The following RHCE variants were observed in gnomAD, a reference collection of about 807,000 sequenced individuals.
RHCE encodes blood group Rh(CE) polypeptide.
In RHCE, 22 loss-of-function variants were observed where a neutral mutation model predicts 43.8. The ratio of observed to expected loss-of-function variants is 0.50; its 90% CI spans 0.36 to 0.72. The LOEUF is 0.72. Ranked by LOEUF, RHCE falls within the 30% of genes least tolerant of loss-of-function variation. RHCE has a pLI of 0.00. For synonymous variants in RHCE, 156 were observed against 210.7 expected, an observed-to-expected ratio of 0.74 and a Z score of 2.25; for missense variants, 385 against 525.4, an observed-to-expected ratio of 0.73 and a Z score of 2.61.
chr1:25,390,666 T>C (rs896705338), intron 5 of RHCE, 83 bp downstream of exon 5: 21 of 1,505,276 alleles, frequency 1.4e-5, no homozygotes, highest in Non-Finnish European at 1.9e-5. Flanking sequence ...CAACCCACGC[T>C]GGCCCTGGGG....
At chr1:25,381,400 T>C (rs1645994917) in intron 7 of RHCE, among the ~76,000 whole-genome samples, 1 of 152,138 alleles carries the variant, frequency 6.6e-6, no homozygotes, top group South Asian at 2.1e-4. Context: ...GGGGTCTTCT[T>C]TTAAGCCCTC....
chr1:25,390,646 T>C (rs1646327839), intron 5 of RHCE, 103 bp downstream of exon 5: 17 of 1,339,256 alleles, frequency 1.3e-5, no homozygotes, highest in Non-Finnish European at 1.6e-5. Context: ...CCACCCGGCA[T>C]GCCCTCTCCC....
At position 25,392,160 on chromosome 1, in the gene RHCE, A is replaced by G; in HGVS notation, c.487-19T>C. On this transcript the variant is annotated intron_variant, in intron 3 of 9. Coordinates refer to ENST00000294413, the MANE Select transcript of RHCE (RefSeq NM_020485.8). ...AGTCTGTCTGCAATAAAACCCAGTA[A>G]GAGCAGTGAGTGTCGGCATCCTCTG... The G allele has an allele frequency of 6.2e-7, 1 of 1,614,096 alleles. No individual in the cohort carries two copies. The highest frequency in any genetic ancestry group is 8.5e-7 in the Non-Finnish European group (1 of 1,179,984).
chr1:25,401,213 ATTAAT>A (rs1258190299), intron 3 of RHCE, among the ~76,000 whole-genome samples: 7 of 152,154 alleles, frequency 4.6e-5, no homozygotes, highest in Non-Finnish European at 1.0e-4. Flanking sequence ...ATTTCATGTG[ATTAAT>A]TCAATTACTC....
At chr1:25,404,406 A>G (rs936446232) in intron 2 of RHCE, among the ~76,000 whole-genome samples, 1 of 143,046 alleles carries the variant, frequency 7.0e-6, no homozygotes, top group Admixed American at 7.0e-5. Context: ...TTAAGCCTCA[A>G]GGACTTTAGG....
At chr1:25,391,407 G>A (rs1282721791) in intron 4 of RHCE, among the ~76,000 whole-genome samples, 3 of 151,810 alleles carry the variant, frequency 2.0e-5, no homozygotes, top group African/African-American at 7.3e-5. Flanking sequence ...GGCTGGTCTC[G>A]AACTCCTGAC....
At chr1:25,401,823 C>T (rs1473078151) in intron 3 of RHCE, among the ~76,000 whole-genome samples, 1 of 152,120 alleles carries the variant, frequency 6.6e-6, no homozygotes, top group Non-Finnish European at 1.5e-5. Context: ...ACAGACCACA[C>T]TTTTGTAACC....
At chr1:25,392,536 C>T (rs1257719871) in intron 3 of RHCE, among the ~76,000 whole-genome samples, 2 of 148,504 alleles carry the variant, frequency 1.3e-5, no homozygotes, top group Non-Finnish European at 3.0e-5. Flanking sequence ...GCTGGGATTA[C>T]AGGCATGAGC....
upstream of RHCE, among the ~76,000 whole-genome samples, chr1:25,421,997 C>T (rs980181805): frequency 3.9e-5 from 6 of 152,084 alleles, no homozygotes; most frequent in African/African-American, 1.4e-4. Flanking sequence ...CACCCTGTCA[C>T]TAGAGGAATG....
chr1:25,428,699 A>G (rs2042824301), intron 2 of RHCE, among the ~76,000 whole-genome samples: 1 of 152,250 alleles, frequency 6.6e-6, no homozygotes, highest in African/African-American at 2.4e-5. Flanking sequence ...TGTCCAAGCT[A>G]GTAAGTGGCC....
At chr1:25,415,212 C>T (rs1225144106) in intron 1 of RHCE, among the ~76,000 whole-genome samples, 3 of 152,120 alleles carry the variant, frequency 2.0e-5, no homozygotes, top group Non-Finnish European at 4.4e-5. Context: ...CTGCCCCTGC[C>T]CATCTGGTCT....
At chr1:25,401,887 T>C (rs570203849) in intron 3 of RHCE, among the ~76,000 whole-genome samples, 2 of 152,208 alleles carry the variant, frequency 1.3e-5, no homozygotes, top group African/African-American at 4.8e-5. Context: ...TTCTTTTTTT[T>C]TTATTGGAGA....
chr1:25,367,974 C>G (rs1184075732), intron 9 of RHCE, among the ~76,000 whole-genome samples: 1 of 150,296 alleles, frequency 6.7e-6, no homozygotes, highest in African/African-American at 2.5e-5. Context: ...GACCCTGTCT[C>G]AAACAAAAAA....
At chr1:25,381,997 A>T (rs1428916258) in intron 7 of RHCE, among the ~76,000 whole-genome samples, 3 of 151,182 alleles carry the variant, frequency 2.0e-5, no homozygotes, top group African/African-American at 7.4e-5. Flanking sequence ...AGAGGCTGGG[A>T]AGTCCAAAAG....
chr1:25,384,178 C>T (rs1216140946), intron 7 of RHCE, among the ~76,000 whole-genome samples: 1 of 151,148 alleles, frequency 6.6e-6, no homozygotes, highest in Non-Finnish European at 1.5e-5. Context: ...CAGAGAACCA[C>T]AGAATCACAG....
chr1:25,370,524 G>A lies in RHCE; in HGVS notation c.1170C>T (p.Leu390=), dbSNP rs630931. ...SGLLTGLLLN[L]KIWKAPHVAK... is the part of the protein sequence containing the mutation. ...CCACATGAGGTGCTTTCCATATTTT[G>A]AGATTTAGGAGCAAACCTGTTTAAA... Residue 390 remains leucine (L), a synonymous_variant, in exon 9 of 10, where the codon CTC becomes CTT. Transcript: ENST00000294413. The A allele has an allele frequency of 6.2e-7, 1 of 1,611,822 alleles. No individual in the cohort carries two copies. Among genetic ancestry groups the A allele is most frequent in the Non-Finnish European group, 8.5e-7 (1 of 1,178,782 alleles).
intron 3 of RHCE, among the ~76,000 whole-genome samples, chr1:25,393,394 G>C (rs1242752860): frequency 6.6e-6 from 1 of 152,090 alleles, no homozygotes; most frequent in Non-Finnish European, 1.5e-5. Flanking sequence ...GCTGAGGTGG[G>C]TGGATCACCT....
At chr1:25,370,407 A>C in intron 9 of RHCE, 60 bp downstream of exon 9, 2 of 1,388,140 alleles carry the variant, frequency 1.4e-6, no homozygotes, top group Non-Finnish European at 2.0e-6. Flanking sequence ...ATATATACCC[A>C]GGTATGTTTT....
At chr1:25,369,730 A>ATTTTTTT (rs3080376) in intron 9 of RHCE, among the ~76,000 whole-genome samples, 10 of 95,472 alleles carry the variant, frequency 1.0e-4, no homozygotes, top group Admixed American at 1.3e-4. Context: ...CACTGTAAGA[A>ATTTTTTT]TTTTTTTTTT....
Sources: gnomAD v4.1 joint callset for allele counts (sites outside exome capture counted in the v4.1 genomes callset) on GRCh38, gnomAD v4.1.1 for gene constraint, MANE v1.5 for transcripts, NCBI Gene and HGNC (gene_info 2026-07-23, HGNC 2026-07-21) for gene names.